The following POLR1A variants were observed in gnomAD, a reference collection of about 807,000 sequenced individuals.
The protein encoded by POLR1A is RNA polymerase I subunit A, also known as DNA-directed RNA polymerase I subunit RPA1.
A neutral mutation model predicts 205.3 loss-of-function variants in POLR1A; 84 were observed. That is an observed-to-expected ratio of 0.41 (90% CI 0.34 to 0.49). The LOEUF (loss-of-function observed/expected upper bound fraction) is 0.49, where lower values mean the gene tolerates loss of function less well. POLR1A is among the 20% of genes least tolerant of loss of function. The pLI, the probability that POLR1A is intolerant of heterozygous loss-of-function variation, is 0.22. For missense variants in POLR1A, 1,645 were observed against 2,204.5 expected (o/e 0.75, Z 5.08); for synonymous variants, 799 against 863.7 (o/e 0.93, Z 1.31).
At chr2:86,090,527 G>A (rs556979276) in intron 3 of POLR1A, among the ~76,000 whole-genome samples, 14 of 152,160 alleles carry the variant, frequency 9.2e-5, no homozygotes, top group African/African-American at 3.1e-4. Context: ...CTGAAGAGCC[G>A]ACAGGACAGT....
At chr2:86,060,168 AT>A (rs1255415027) in intron 14 of POLR1A, among the ~76,000 whole-genome samples, 1 of 152,236 alleles carries the variant, frequency 6.6e-6, no homozygotes, top group Non-Finnish European at 1.5e-5. Flanking sequence ...CTTTTACATA[AT>A]TGAAGGACAT....
chr2:86,084,198 G>C (rs960195764), intron 6 of POLR1A, among the ~76,000 whole-genome samples: 4 of 152,032 alleles, frequency 2.6e-5, no homozygotes, highest in Non-Finnish European at 5.9e-5. Flanking sequence ...CCCAGGAGGC[G>C]GAGCTTGCAG....
At chr2:86,063,195 C>G (rs140727378) in intron 14 of POLR1A, among the ~76,000 whole-genome samples, 6,296 of 151,732 alleles carry the variant, frequency 0.041, 458 homozygotes, top group African/African-American at 0.14. Flanking sequence ...ATTAGCCGGG[C>G]ATGGTGGCGC....
At chr2:86,035,512 G>C (rs1005910620) in intron 27 of POLR1A, among the ~76,000 whole-genome samples, 1 of 152,170 alleles carries the variant, frequency 6.6e-6, no homozygotes, top group East Asian at 1.9e-4. Context: ...AGGCGGAGTG[G>C]GGGTGCGGGG....
At chr2:86,072,524 C>G (rs925743345) in intron 12 of POLR1A, among the ~76,000 whole-genome samples, 2 of 152,252 alleles carry the variant, frequency 1.3e-5, no homozygotes, top group African/African-American at 2.4e-5. Flanking sequence ...AAACAGAAGC[C>G]CTGGAGCACA....
In POLR1A at chr2:86,030,318, T is replaced by G. The variant is rs752301296; in HGVS notation, c.4657A>C (p.Ile1553Leu). Reference protein sequence around the residue: ...LVVSLAHGAVIYATKGITRCL... With the variant: ...LVVSLAHGAVLYATKGITRCL... ...CGAGTGATGCCCTTGGTCGCATAGA[T>G]GACGGCACCATGGGCCAAAGATACT... Residue 1553 changes from isoleucine (I) to leucine (L), a missense_variant, in exon 31 of 34, where the codon ATC becomes CTC. This residue lies in a region of POLR1A where 394 missense variants were observed against 468.5 expected (regional missense o/e 0.84). Coordinates refer to ENST00000263857, the MANE Select transcript of POLR1A (RefSeq NM_015425.6). The G allele has an allele frequency of 6.2e-7, 1 of 1,614,046 alleles. No individual in the cohort carries two copies. Among genetic ancestry groups the G allele is most frequent in the Non-Finnish European group, 8.5e-7 (1 of 1,179,872 alleles).
rs913905537 is a variant in POLR1A at position 86,101,778 on chromosome 2, T to C, written c.78-1606A>G. Among the ~76,000 whole-genome samples, 4 of 152,358 alleles carry C rather than the reference T, an allele frequency of 2.6e-5. No homozygotes were observed. The South Asian group carries it at 8.3e-4, about 32-fold the overall frequency. On this transcript the variant is annotated intron_variant, in intron 1 of 33. Coordinates refer to ENST00000263857, the MANE Select transcript of POLR1A (RefSeq NM_015425.6). ...TTTTCATCTTGTAAAATTGAAACCC[T>C]GTACCCATTATACAGTAATTCTTCA... is the stretch of plus-strand genomic sequence containing the variant.
At chr2:86,098,487 TA>T in intron 3 of POLR1A, 123 bp downstream of exon 3, 1 of 914,248 alleles carries the variant, frequency 1.1e-6, no homozygotes, top group Non-Finnish European at 1.7e-6. Context: ...TATCCAGTTA[TA>T]AGATATAAAG....
chr2:86,099,209 T>C (rs1048332501), intron 2 of POLR1A, among the ~76,000 whole-genome samples: 1 of 151,964 alleles, frequency 6.6e-6, no homozygotes, highest in African/African-American at 2.4e-5. Flanking sequence ...ATACAAAAAT[T>C]AGCTGGGCAT....
chr2:86,088,869 A>C lies in POLR1A; in HGVS notation c.542T>G (p.Val181Gly). Residue 181 changes from valine (V) to glycine (G), a missense_variant and splice_region_variant, in exon 5 of 34, where the codon GTA (valine) becomes GGA (glycine). Physicochemically the swap from Val to Gly is moderately radical, Grantham distance 109. Around this residue, in one of 16 missense-constraint regions of POLR1A, gnomAD observed 330 missense variants for 375.6 expected, o/e 0.88. Transcript: ENST00000263857. ...GCTCTTGCTCTCACACACGTTCTTT[A>C]CCTGTTTTTTTAAAAAAAGTCAGAG... ...NNLLGSQGAH[V>G]KNVCESKSKL... 1.2e-6 allele frequency: 2 copies of C among 1,608,926 alleles called. No individual in the cohort carries two copies. Among genetic ancestry groups the C allele is most frequent in the Non-Finnish European group, 1.7e-6 (2 of 1,177,240 alleles).
rs1363482375 is a variant in POLR1A at position 86,040,439 on chromosome 2, G to A, written c.3693C>T (p.Phe1231=). ...TCATCTCGCCTCTGCCTGCAAAGTG[G>A]AAGGTGTTGAGGGTCATCTGGGTGG... ...EPSTQMTLNT[F]HFAGRGEMNV... The change falls in exon 25 of 34, where the codon TTC becomes TTT. Residue 1231 remains phenylalanine, a synonymous_variant. Coordinates refer to ENST00000263857, the MANE Select transcript of POLR1A (RefSeq NM_015425.6). 2 of 1,613,454 alleles carry A rather than the reference G, an allele frequency of 1.2e-6. No individual in the cohort carries two copies.
intron 6 of POLR1A, among the ~76,000 whole-genome samples, chr2:86,088,079 T>C (rs1312777457): frequency 1.3e-5 from 2 of 152,092 alleles, no homozygotes; most frequent in Admixed American, 1.3e-4. Flanking sequence ...CAAGCAGAGC[T>C]TGGGTAGGGC....
At position 86,026,715 on chromosome 2, in the gene POLR1A, G is replaced by A. The variant is rs1042418066; in HGVS notation, c.*708C>T. ...GTTCTATGTGTGGGAGTGAACTGCT[G>A]CGGCCCTGGAGCGACTGCTCCCAGC... On this transcript the variant is annotated 3_prime_UTR_variant, in exon 34 of 34. Transcript: ENST00000263857. 2 of 152,762 alleles carry A rather than the reference G, an allele frequency of 1.3e-5. No homozygotes were observed. The highest frequency in any genetic ancestry group is 1.5e-5 in the Non-Finnish European group (1 of 68,358). 9.5% of individuals were successfully genotyped at this position (152,762 alleles called of 1,614,324 possible).
At chr2:86,099,077 C>A (rs967997129) in intron 2 of POLR1A, among the ~76,000 whole-genome samples, 2 of 152,038 alleles carry the variant, frequency 1.3e-5, no homozygotes, top group Admixed American at 1.3e-4. Flanking sequence ...GGCTCATGCC[C>A]GTAATCCCAG....
intron 7 of POLR1A, among the ~76,000 whole-genome samples, chr2:86,082,301 C>T (rs1316432819): frequency 2.0e-5 from 3 of 152,114 alleles, no homozygotes; most frequent in Non-Finnish European, 4.4e-5. Context: ...AATCACCCTC[C>T]TGGACTATTA....
At chr2:86,047,329 TA>T in intron 18 of POLR1A, 66 bp from the exon 19 acceptor site, 1 of 1,116,006 alleles carries the variant, frequency 9.0e-7, no homozygotes. Context: ...AATCAGGATG[TA>T]AATCCAGGAA....
rs1451477312 is a variant in POLR1A, at chr2:86,027,216, A to G, written c.*207T>C. 1.7e-6 allele frequency: 1 copy of G among 595,036 alleles called. No homozygotes were observed. Among genetic ancestry groups the G allele is most frequent in the Non-Finnish European group, 3.0e-6 (1 of 332,914 alleles). 36.9% of individuals were successfully genotyped at this position (595,036 alleles called of 1,614,324 possible). On this transcript the variant is annotated 3_prime_UTR_variant, in exon 34 of 34. Transcript: ENST00000263857. ...TAAAAATCCAGAGACAGGGAGGGGCAAGGATGAGCAACTCTGTCACTTTCC... is the reference window on the plus strand; with the variant it reads ...TAAAAATCCAGAGACAGGGAGGGGCGAGGATGAGCAACTCTGTCACTTTCC...
intron 12 of POLR1A, among the ~76,000 whole-genome samples, chr2:86,074,317 T>C (rs1673239384): frequency 6.6e-6 from 1 of 152,026 alleles, no homozygotes. Context: ...GTGAGGAAAA[T>C]CCAGGCAGTC....
chr2:86,092,559 T>C (rs1026524480), intron 3 of POLR1A, among the ~76,000 whole-genome samples: 4 of 152,238 alleles, frequency 2.6e-5, no homozygotes, highest in African/African-American at 9.6e-5. Context: ...GCACAGTGGC[T>C]CATGCCTGTA....
Sources: gnomAD v4.1 joint callset for allele counts (sites outside exome capture counted in the v4.1 genomes callset) on GRCh38, gnomAD v4.1.1 for gene constraint, gnomAD v4.1.1 regional missense constraint, MANE v1.5 for transcripts, NCBI Gene and HGNC (gene_info 2026-07-23, HGNC 2026-07-21) for gene names.